The following CA5B variants were observed in gnomAD, a reference collection of about 807,000 sequenced individuals.
CA5B encodes the protein carbonic anhydrase 5B, also known as carbonic anhydrase 5B, mitochondrial.
Under a neutral mutation model 23.1 loss-of-function variants are expected in CA5B, and 15 were observed. The observed-to-expected ratio is 0.65, with a 90% CI of 0.43 to 1.00. The LOEUF (loss-of-function observed/expected upper bound fraction) is 1.00, where lower values mean the gene tolerates loss of function less well. CA5B is among the 50% of genes least tolerant of loss of function. CA5B has a pLI of 0.00. For synonymous variants in CA5B, 84 were observed against 98.5 expected (o/e 0.85, Z 0.87); for missense variants, 236 against 252.2 (o/e 0.94, Z 0.43).
chrX:15,783,438 G>T lies in CA5B; in HGVS notation c.*774G>T, dbSNP rs956611306. Reference sequence around the variant, plus strand: ...TACCCAGAAATCCCTTTGCATTTCCGAAGATCAGATATTTTGCTTAAAGGT... The same window carrying T: ...TACCCAGAAATCCCTTTGCATTTCCTAAGATCAGATATTTTGCTTAAAGGT... On this transcript the variant is annotated 3_prime_UTR_variant, in exon 8 of 8. Coordinates refer to ENST00000318636, the MANE Select transcript of CA5B (RefSeq NM_007220.4). 9.0e-6 allele frequency: 1 copy of T among 111,451 alleles called. No individual in the cohort carries two copies. Among genetic ancestry groups the T allele is most frequent in the Admixed American group, 9.6e-5 (1 of 10,429 alleles). The allele number at this position is 111,451 out of a possible 1,213,427, so 9.2% of individuals were successfully genotyped here. A position where few individuals can be genotyped will look rare whatever the true frequency, so the allele number is the denominator to read the frequency against.
chrX:15,746,551 G>C (rs1262206173), intron 1 of CA5B, among the ~76,000 whole-genome samples: 1 of 111,876 alleles, frequency 8.9e-6, no homozygotes, highest in Non-Finnish European at 1.9e-5. Context: ...ATTGCCCGCT[G>C]CCTGGACAGA....
intron 3 of CA5B, chrX:15,769,341 A>G (rs1230821917): frequency 1.7e-5 from 4 of 230,817 alleles, no homozygotes; most frequent in Non-Finnish European, 2.5e-5. Flanking sequence ...GTTGTTTGGT[A>G]TTTGGTTCCC....
At chrX:15,768,516 TAGAA>T (rs1351181187) in intron 3 of CA5B, 1 of 112,257 alleles carries the variant, frequency 8.9e-6, no homozygotes. Flanking sequence ...TTTGTTTGGT[TAGAA>T]AGAACTAAAA....
intron 1 of CA5B, among the ~76,000 whole-genome samples, chrX:15,740,520 T>C (rs1157529742): frequency 2.7e-5 from 3 of 112,751 alleles, no homozygotes; most frequent in African/African-American, 9.7e-5. Flanking sequence ...TGGATTTTCC[T>C]GGAACCTCCT....
At position 15,788,197 on chromosome X, in the gene CA5B, T is replaced by C. The variant is rs1932150264; in HGVS notation, c.*5533T>C. The C allele has an allele frequency of 9.0e-6, 1 of 111,585 alleles. No homozygotes were observed. Among genetic ancestry groups the C allele is most frequent in the South Asian group, 3.7e-4 (1 of 2,673 alleles). 9.2% of individuals were successfully genotyped at this position (111,585 alleles called of 1,213,427 possible). ...GGTGACAATGTGTAGTAAACCATGA[T>C]AGATGTTATAAAAGGTGGAATACTT... On this transcript the variant is annotated 3_prime_UTR_variant, in exon 8 of 8. Transcript: ENST00000318636.
At chrX:15,759,647 T>C (rs1354135718) in intron 2 of CA5B, among the ~76,000 whole-genome samples, 1 of 106,917 alleles carries the variant, frequency 9.4e-6, no homozygotes, top group Non-Finnish European at 1.9e-5. Context: ...CTAGGACTAC[T>C]CATATAAACA....
chrX:15,741,762 C>T (rs781321236), intron 1 of CA5B, among the ~76,000 whole-genome samples: 3 of 111,689 alleles, frequency 2.7e-5, no homozygotes, highest in Non-Finnish European at 5.6e-5. Context: ...AGATGTGAGC[C>T]ACTGTGCCCG....
intron 1 of CA5B, among the ~76,000 whole-genome samples, chrX:15,745,135 C>T (rs765069998): frequency 3.1e-5 from 3 of 96,407 alleles, no homozygotes; most frequent in African/African-American, 1.2e-4. Context: ...CACCACTGCA[C>T]TCCAGCCTGG....
chrX:15,751,334 A>G (rs1041384353), intron 2 of CA5B, among the ~76,000 whole-genome samples: 1 of 111,899 alleles, frequency 8.9e-6, no homozygotes, highest in Non-Finnish European at 1.9e-5. Flanking sequence ...AAACTGCTCT[A>G]CAAATATATT....
rs58783397 is a variant in CA5B, at chrX:15,766,155, CAAAAA to C, written c.340+1399_340+1403del. On this transcript the variant is annotated intron_variant, in intron 3 of 7. Coordinates refer to ENST00000318636, the MANE Select transcript of CA5B (RefSeq NM_007220.4). ...CTGGCATCAGAGTGAGACTCTGTCT[CAAAAA>C]AAAAAAAAAAAAAAAAAAGTAAATA... Among the ~76,000 whole-genome samples, 19 of 41,234 alleles carry C rather than the reference CAAAAA, an allele frequency of 4.6e-4. No individual in the cohort carries two copies. The Admixed American group carries it at 5.5e-3, about 12-fold the overall frequency. The allele number at this position is 41,234 out of a possible 115,157, so 35.8% of individuals were successfully genotyped here. A position where few individuals can be genotyped will look rare whatever the true frequency, so the allele number is the denominator to read the frequency against.
chrX:15,767,559 G>A (rs1012637445), intron 3 of CA5B, among the ~76,000 whole-genome samples: 2 of 107,186 alleles, frequency 1.9e-5, no homozygotes, highest in Non-Finnish European at 3.9e-5. Context: ...GTGCCACCAC[G>A]CTCGGCTAAT....
chrX:15,754,840 G>A (rs768028785), intron 2 of CA5B, among the ~76,000 whole-genome samples: 74 of 112,304 alleles, frequency 6.6e-4, no homozygotes, highest in African/African-American at 2.3e-3. Flanking sequence ...AACATGTTAG[G>A]ATAATAGGGA....
chrX:15,771,457 C>T lies in CA5B; in HGVS notation c.341-1039C>T, dbSNP rs752909988. ...TGTGTGTGTGTTTGCGACAGAGTCT[C>T]GGTCTGTCACTCAGGCTGGAGTGCA... On this transcript the variant is annotated intron_variant, in intron 3 of 7. Coordinates refer to ENST00000318636, the MANE Select transcript of CA5B (RefSeq NM_007220.4). Among the ~76,000 whole-genome samples, 17 of 108,015 alleles carry T rather than the reference C, an allele frequency of 1.6e-4. No homozygotes were observed. The East Asian group carries it at 4.5e-3, about 28-fold the overall frequency. The allele number at this position is 108,015 out of a possible 115,157, so 93.8% of individuals were successfully genotyped here.
intron 1 of CA5B, among the ~76,000 whole-genome samples, chrX:15,748,505 T>C (rs774309267): frequency 1.8e-5 from 2 of 111,497 alleles, no homozygotes; most frequent in Non-Finnish European, 3.8e-5. Flanking sequence ...ATATCCTGAG[T>C]CAAACATTTG....
chrX:15,761,323 C>T lies in CA5B; in HGVS notation c.143-3255C>T, dbSNP rs188864557. Reference sequence around the variant, plus strand: ...AACATAGTACCTAATAGGATGTTTTCCAGAAGGGCATATGTTTAATAAGAT... The same window carrying T: ...AACATAGTACCTAATAGGATGTTTTTCAGAAGGGCATATGTTTAATAAGAT... On this transcript the variant is annotated intron_variant, in intron 2 of 7. Transcript: ENST00000318636. 9.4e-3 allele frequency among the ~76,000 whole-genome samples: 1,053 copies of T among 111,481 alleles called. 10 individuals are homozygous for T. The highest frequency in any genetic ancestry group is 0.023 in the Middle Eastern group (5 of 218).
intron 2 of CA5B, chrX:15,763,022 T>G: frequency 3.6e-6 from 1 of 274,325 alleles, no homozygotes; most frequent in South Asian, 3.6e-5. Context: ...AAATTATATG[T>G]GTACACCTTA....
chrX:15,784,543 G>A lies in CA5B; in HGVS notation c.*1879G>A, dbSNP rs1350856389. On this transcript the variant is annotated 3_prime_UTR_variant, in exon 8 of 8. Transcript: ENST00000318636. ...TAAATATCTTGGAATGTTTCTGAAT[G>A]CCTCTAAGCCTATGTTCAGACTCTG... The A allele has an allele frequency of 8.9e-6, 1 of 112,151 alleles. No homozygotes were observed. The highest frequency in any genetic ancestry group is 3.2e-5 in the African/African-American group (1 of 30,808). 9.2% of individuals were successfully genotyped at this position (112,151 alleles called of 1,213,427 possible).
At chrX:15,742,642 G>A (rs914709270) in intron 1 of CA5B, among the ~76,000 whole-genome samples, 2 of 113,007 alleles carry the variant, frequency 1.8e-5, no homozygotes, top group African/African-American at 6.4e-5. Context: ...GCCTCCCGAA[G>A]TGCTGGAATT....
At chrX:15,759,182 G>A (rs1279199808) in intron 2 of CA5B, among the ~76,000 whole-genome samples, 3 of 111,416 alleles carry the variant, frequency 2.7e-5, no homozygotes, top group Non-Finnish European at 5.7e-5. Context: ...GACTAAGGCA[G>A]GAATGAGCTT....
Sources: gnomAD v4.1 joint callset for allele counts (sites outside exome capture counted in the v4.1 genomes callset) on GRCh38, gnomAD v4.1.1 for gene constraint, MANE v1.5 for transcripts, NCBI Gene and HGNC (gene_info 2026-07-23, HGNC 2026-07-21) for gene names.